Variants in UBE2G2 observed in about 807,000 individuals in gnomAD.
The protein encoded by UBE2G2 is ubiquitin conjugating enzyme E2 G2, also known as ubiquitin-conjugating enzyme E2 G2.
In UBE2G2, 10 loss-of-function variants were observed where a neutral mutation model predicts 23.0. That is an observed-to-expected ratio of 0.43 (90% CI 0.27 to 0.74). UBE2G2 has a LOEUF of 0.74. Ranked by LOEUF, UBE2G2 falls within the 30% of genes least tolerant of loss-of-function variation. UBE2G2 has a pLI of 0.19. For missense variants in UBE2G2, 150 were observed against 218.3 expected, an observed-to-expected ratio of 0.69 and a Z score of 1.97; for synonymous variants, 86 against 81.3, an observed-to-expected ratio of 1.06 and a Z score of -0.31.
At chr21:44,786,424 A>G (rs545699479) in intron 3 of UBE2G2, among the ~76,000 whole-genome samples, 7 of 152,254 alleles carry the variant, frequency 4.6e-5, no homozygotes, top group African/African-American at 1.7e-4. Flanking sequence ...AACATGTGCC[A>G]TAGGCCCAAG....
chr21:44,782,182 A>C (rs1428107709), intron 3 of UBE2G2, among the ~76,000 whole-genome samples: 2 of 152,228 alleles, frequency 1.3e-5, no homozygotes, highest in African/African-American at 4.8e-5. Flanking sequence ...TGAGGTAACC[A>C]GAGTTAAGTT....
intron 3 of UBE2G2, 39 bp downstream of exon 3, chr21:44,787,881 G>A (rs1272083462): frequency 1.2e-6 from 2 of 1,605,828 alleles, no homozygotes; most frequent in East Asian, 2.2e-5. Flanking sequence ...CTGACTTCCA[G>A]CAAAGCCCTA....
chr21:44,774,635 C>A (rs1385829867), intron 4 of UBE2G2: 3 of 425,606 alleles, frequency 7.0e-6, no homozygotes, highest in Non-Finnish European at 9.4e-6. Context: ...CAGTGGTGAA[C>A]GTTCAGTGGT....
At chr21:44,787,857 T>C in intron 3 of UBE2G2, 63 bp downstream of exon 3, 4 of 1,578,148 alleles carry the variant, frequency 2.5e-6, no homozygotes, top group Non-Finnish European at 3.5e-6. Flanking sequence ...ACACTGCTGA[T>C]GTGATTCTTA....
At chr21:44,779,376 G>C (rs1424309638) in intron 3 of UBE2G2, among the ~76,000 whole-genome samples, 2 of 135,460 alleles carry the variant, frequency 1.5e-5, no homozygotes, top group African/African-American at 2.6e-5. Context: ...TGGGGTGGGG[G>C]GGGGGTACTG....
intron 2 of UBE2G2, 25 bp from the exon 3 acceptor site, chr21:44,787,990 A>T: frequency 6.2e-7 from 1 of 1,611,504 alleles, no homozygotes; most frequent in South Asian, 1.1e-5. Context: ...AAAATTTCAC[A>T]ACATTTTAAC....
chr21:44,787,786 G>A (rs781959973), intron 3 of UBE2G2, 134 bp downstream of exon 3: 193 of 936,720 alleles, frequency 2.1e-4, no homozygotes, highest in Middle Eastern at 3.3e-4. Flanking sequence ...CAGCCTAGAC[G>A]AGAGCTGGGC....
At chr21:44,777,073 T>G in intron 4 of UBE2G2, 1 of 435,904 alleles carries the variant, frequency 2.3e-6, no homozygotes, top group East Asian at 4.6e-5. Flanking sequence ...TCAAATGGCA[T>G]CCGGTTTTAG....
intron 5 of UBE2G2, 134 bp downstream of exon 5, chr21:44,773,413 T>G: frequency 8.5e-7 from 1 of 1,173,000 alleles, no homozygotes; most frequent in Admixed American, 2.8e-5. Flanking sequence ...GCAGATAACA[T>G]TAAATGGCAA....
chr21:44,777,040 C>T lies in UBE2G2; in HGVS notation c.244+259G>A, dbSNP rs111929983. On this transcript the variant is annotated intron_variant, in intron 4 of 5. Coordinates refer to ENST00000345496, the MANE Select transcript of UBE2G2 (RefSeq NM_003343.6). The stretch of plus-strand genomic sequence containing the variant: ...ACACACCCATGTGTAAAACTTCCTC[C>T]CCAGTGAAGTAGGGTGGCTGGGTCA... The T allele has an allele frequency of 2.8e-5, 11 of 389,878 alleles. 1 individual carries two copies. The highest frequency in any genetic ancestry group is 1.5e-4 in the African/African-American group (7 of 47,816). The allele number at this position is 389,878 out of a possible 1,614,324, so 24.2% of individuals were successfully genotyped here.
intron 3 of UBE2G2, among the ~76,000 whole-genome samples, chr21:44,785,426 G>GTGCA (rs1261496914): frequency 2.0e-5 from 3 of 152,186 alleles, no homozygotes; most frequent in African/African-American, 7.2e-5. Flanking sequence ...AAAGATTTCA[G>GTGCA]TGCATCTTTG....
At chr21:44,792,543 C>T (rs907075613) in intron 1 of UBE2G2, among the ~76,000 whole-genome samples, 5 of 152,160 alleles carry the variant, frequency 3.3e-5, no homozygotes, top group Admixed American at 2.0e-4. Flanking sequence ...GTCTGTTTCC[C>T]TTTCTGCCAT....
In UBE2G2 at chr21:44,769,117, T is replaced by C. The variant is rs1462557631; in HGVS notation, c.*2260A>G. ...ACACAACAGGGACACCATGGGATTG[T>C]TTTTTCATTTAATAAATACAAATGA... On this transcript the variant is annotated 3_prime_UTR_variant, in exon 6 of 6. Coordinates refer to ENST00000345496, the MANE Select transcript of UBE2G2 (RefSeq NM_003343.6). The C allele has an allele frequency of 6.6e-6, 1 of 152,224 alleles. No individual in the cohort carries two copies. 9.4% of individuals were successfully genotyped at this position (152,224 alleles called of 1,614,324 possible).
intron 3 of UBE2G2, among the ~76,000 whole-genome samples, chr21:44,786,807 C>T (rs1054871553): frequency 6.6e-6 from 1 of 152,142 alleles, no homozygotes; most frequent in African/African-American, 2.4e-5. Context: ...ATAACAAAGA[C>T]TGGGCTTGGC....
Position 44,772,476 on chromosome 21 carries a change from G to A in UBE2G2, c.386-987C>T, listed in dbSNP as rs766952098. 5.5e-4 allele frequency among the ~76,000 whole-genome samples: 82 copies of A among 149,354 alleles called. No homozygotes were observed. Among genetic ancestry groups the A allele is most frequent in the African/African-American group, 1.9e-3 (78 of 40,308 alleles). ...TCTGCTCTTTCCTTTCGGACTTGCCGCCTTCCTTTCCCACACCCTTCCTCC... is the reference window on the plus strand; with the variant it reads ...TCTGCTCTTTCCTTTCGGACTTGCCACCTTCCTTTCCCACACCCTTCCTCC... On this transcript the variant is annotated intron_variant, in intron 5 of 5. Coordinates refer to ENST00000345496, the MANE Select transcript of UBE2G2 (RefSeq NM_003343.6). The surrounding 1 kb of genome is among the most constrained non-coding windows in gnomAD (Gnocchi z 5.4).
intron 3 of UBE2G2, among the ~76,000 whole-genome samples, chr21:44,787,405 A>G (rs1555962238): frequency 2.6e-5 from 4 of 152,230 alleles, no homozygotes; most frequent in African/African-American, 9.6e-5. Flanking sequence ...ACAAGTCCAG[A>G]CAAGGCAACA....
chr21:44,773,698 C>A lies in UBE2G2; in HGVS notation c.245-11G>T. ...TCCCATCAGGGTAGACTGCAAGGGT[C>A]AGAGGCAGCCAAGTGAGCCCAGGAA... On this transcript the variant is annotated splice_polypyrimidine_tract_variant and intron_variant, in intron 4 of 5. Coordinates refer to ENST00000345496, the MANE Select transcript of UBE2G2 (RefSeq NM_003343.6). 6.2e-7 allele frequency: 1 copy of A among 1,609,948 alleles called. No homozygotes were observed. Among genetic ancestry groups the A allele is most frequent in the South Asian group, 1.1e-5 (1 of 90,978 alleles).
rs114222539 is a variant in UBE2G2, at chr21:44,798,278, C to T, written c.43+3428G>A. 2.6e-3 allele frequency among the ~76,000 whole-genome samples: 401 copies of T among 152,306 alleles called. 6 individuals carry two copies. The highest frequency in any genetic ancestry group is 8.4e-3 in the African/African-American group (350 of 41,574). ...ATCTTTTTGCCGGTGCAGTCTTGCC[C>T]GGATATTGATGACTGCTGACTGATC... On this transcript the variant is annotated intron_variant, in intron 1 of 5. Transcript: ENST00000345496.
intron 1 of UBE2G2, among the ~76,000 whole-genome samples, chr21:44,792,639 T>A (rs1489354573): frequency 6.6e-6 from 1 of 152,144 alleles, no homozygotes; most frequent in Non-Finnish European, 1.5e-5. Flanking sequence ...CAGTCTCAGG[T>A]AGTATCTTTA....
Sources: gnomAD v4.1 joint callset for allele counts (sites outside exome capture counted in the v4.1 genomes callset) on GRCh38, gnomAD v4.1.1 for gene constraint, Gnocchi (gnomAD v3.1) non-coding constraint, MANE v1.5 for transcripts, NCBI Gene and HGNC (gene_info 2026-07-23, HGNC 2026-07-21) for gene names.